GRIK4: variants seen among roughly 807,000 people sequenced by gnomAD.
The protein encoded by GRIK4 is glutamate ionotropic receptor kainate type subunit 4, also known as glutamate receptor ionotropic, kainate 4.
Under a neutral mutation model 104.9 loss-of-function variants are expected in GRIK4, and 40 were observed. That is an observed-to-expected ratio of 0.38 (90% CI 0.30 to 0.50). The LOEUF (loss-of-function observed/expected upper bound fraction) is 0.50, where lower values mean the gene tolerates loss of function less well. Ranked by LOEUF, GRIK4 falls within the 20% of genes least tolerant of loss-of-function variation. The pLI, the probability that GRIK4 is intolerant of heterozygous loss-of-function variation, is 0.93. For synonymous variants in GRIK4, 485 were observed against 524.9 expected (o/e 0.92, Z 1.04); for missense variants, 1,047 against 1,308.1 (o/e 0.80, Z 3.08).
intron 13 of GRIK4, among the ~76,000 whole-genome samples, chr11:120,916,505 A>C (rs1388894696): frequency 6.6e-6 from 1 of 152,212 alleles, no homozygotes; most frequent in Non-Finnish European, 1.5e-5. Flanking sequence ...TATGCACCTA[A>C]CACAGTGCCT....
chr11:120,888,791 TGATCTATTCTA>T (rs968717581), intron 11 of GRIK4, among the ~76,000 whole-genome samples: 2 of 152,226 alleles, frequency 1.3e-5, no homozygotes, highest in African/African-American at 4.8e-5. Context: ...CATTACACCC[TGATCTATTCTA>T]GGTATAGATT....
chr11:120,606,960 G>T (rs1948970846), intron 1 of GRIK4, among the ~76,000 whole-genome samples: 1 of 152,204 alleles, frequency 6.6e-6, no homozygotes, highest in Admixed American at 6.5e-5. Flanking sequence ...TAGGAGTTTA[G>T]GGTGGCCAGG....
chr11:120,563,073 G>A (rs771250033), intron 1 of GRIK4, among the ~76,000 whole-genome samples: 4 of 152,222 alleles, frequency 2.6e-5, no homozygotes, highest in Non-Finnish European at 4.4e-5. Flanking sequence ...ATGGTGAAGT[G>A]TGTCTTTCCA....
intron 12 of GRIK4, among the ~76,000 whole-genome samples, chr11:120,904,748 C>T (rs1466149795): frequency 2.0e-5 from 3 of 152,158 alleles, no homozygotes; most frequent in African/African-American, 4.8e-5. Context: ...GCCTTTCATT[C>T]ACAGCCCTTC....
rs995817234 is a variant in GRIK4 at position 120,555,462 on chromosome 11, T to C, written c.-159+43575T>C. ...AAAGCTTTCTACCGGGCTGCTTATG[T>C]ACTCGCCGAGCCAGCATTCACACAC... On this transcript the variant is annotated intron_variant, in intron 1 of 20. Coordinates refer to ENST00000527524, the MANE Select transcript of GRIK4 (RefSeq NM_014619.5). The surrounding 1 kb of genome is among the most constrained non-coding windows in gnomAD (Gnocchi z 5.3). Among the ~76,000 whole-genome samples, 2 of 152,212 alleles carry C rather than the reference T, an allele frequency of 1.3e-5. No individual in the cohort carries two copies. The highest frequency in any genetic ancestry group is 2.9e-5 in the Non-Finnish European group (2 of 68,026).
intron 8 of GRIK4, among the ~76,000 whole-genome samples, chr11:120,847,128 G>C (rs990402589): frequency 6.6e-6 from 1 of 152,214 alleles, no homozygotes. Flanking sequence ...GGATTGTTGA[G>C]AGCATCTAAC....
chr11:120,691,299 G>A (rs1285545880), intron 3 of GRIK4, among the ~76,000 whole-genome samples: 2 of 152,210 alleles, frequency 1.3e-5, no homozygotes, highest in Non-Finnish European at 2.9e-5. Flanking sequence ...AAGCTCAGAA[G>A]TTAAGGTTGG....
At position 120,653,781 on chromosome 11, in the gene GRIK4, A is replaced by G. The variant is rs1220853249; in HGVS notation, c.-62A>G. On this transcript the variant is annotated 5_prime_UTR_variant, in exon 2 of 21. Coordinates refer to ENST00000527524, the MANE Select transcript of GRIK4 (RefSeq NM_014619.5). ...ATTGCTCCCTGCTCTCCTGGCGCTC[A>G]TCACCCCGGAGGTAGGCACTGCCAT... 3 of 152,284 alleles carry G rather than the reference A, an allele frequency of 2.0e-5. No homozygotes were observed. Among genetic ancestry groups the G allele is most frequent in the Non-Finnish European group, 4.4e-5 (3 of 68,110 alleles). The allele number at this position is 152,284 out of a possible 1,614,324, so 9.4% of individuals were successfully genotyped here.
At chr11:120,583,290 TG>T (rs1296245339) in intron 1 of GRIK4, among the ~76,000 whole-genome samples, 2 of 152,246 alleles carry the variant, frequency 1.3e-5, no homozygotes, top group Admixed American at 1.3e-4. Flanking sequence ...TTTCTTCCAT[TG>T]TATAGGTTGT....
At chr11:120,804,439 C>T (rs993819747) in intron 4 of GRIK4, among the ~76,000 whole-genome samples, 4 of 152,138 alleles carry the variant, frequency 2.6e-5, no homozygotes, top group Non-Finnish European at 5.9e-5. Flanking sequence ...TCTGGAGACT[C>T]CCCAGCCTTT....
At chr11:120,973,824 C>T (rs1441680337) in intron 19 of GRIK4, among the ~76,000 whole-genome samples, 1 of 152,226 alleles carries the variant, frequency 6.6e-6, no homozygotes, top group Non-Finnish European at 1.5e-5. Context: ...GATAAATTAG[C>T]TGTCAAACTT....
intron 1 of GRIK4, among the ~76,000 whole-genome samples, chr11:120,606,028 A>G (rs1948956380): frequency 1.3e-5 from 2 of 152,192 alleles, no homozygotes; most frequent in South Asian, 2.1e-4. Flanking sequence ...TTCCTGAGAA[A>G]TGATACCCTT....
intron 12 of GRIK4, among the ~76,000 whole-genome samples, chr11:120,901,591 G>A (rs1363864672): frequency 6.6e-6 from 1 of 152,160 alleles, no homozygotes; most frequent in African/African-American, 2.4e-5. Context: ...GCTCCTCGAA[G>A]GTAGAGGGGC....
At chr11:120,923,252 T>G (rs1943261559) in intron 13 of GRIK4, among the ~76,000 whole-genome samples, 1 of 151,988 alleles carries the variant, frequency 6.6e-6, no homozygotes, top group Non-Finnish European at 1.5e-5. Context: ...ACTTACCAGG[T>G]GGGATGTTGC....
chr11:120,897,023 A>C (rs548195468), intron 11 of GRIK4, among the ~76,000 whole-genome samples: 1 of 152,312 alleles, frequency 6.6e-6, no homozygotes, highest in African/African-American at 2.4e-5. Context: ...GTATGTATAA[A>C]AAGAGTTCTG....
At chr11:120,611,272 G>A (rs1027359344) in intron 1 of GRIK4, among the ~76,000 whole-genome samples, 1 of 152,152 alleles carries the variant, frequency 6.6e-6, no homozygotes, top group Non-Finnish European at 1.5e-5. Flanking sequence ...GCTGATTACT[G>A]GATGTGTGGC....
intron 1 of GRIK4, among the ~76,000 whole-genome samples, chr11:120,545,737 C>A (rs1185960043): frequency 6.6e-6 from 1 of 152,132 alleles, no homozygotes; most frequent in Non-Finnish European, 1.5e-5. Context: ...TTTCACCTGC[C>A]CTGGAATCCA....
chr11:120,573,964 C>T (rs542040677), intron 1 of GRIK4, among the ~76,000 whole-genome samples: 5 of 152,284 alleles, frequency 3.3e-5, no homozygotes, highest in Admixed American at 6.5e-5. Context: ...ACTCCAGGCT[C>T]GGGGCTGCTA....
chr11:120,911,617 G>A (rs1249223716), intron 13 of GRIK4, among the ~76,000 whole-genome samples: 18 of 149,074 alleles, frequency 1.2e-4, no homozygotes, highest in African/African-American at 4.4e-4. Flanking sequence ...CGAGGCGGGT[G>A]GATCACCTGA....
Sources: allele counts gnomAD v4.1 joint callset (sites outside exome capture counted in the v4.1 genomes callset), GRCh38; gene constraint gnomAD v4.1.1; non-coding constraint Gnocchi (gnomAD v3.1); transcripts MANE v1.5; gene names NCBI Gene and HGNC (gene_info 2026-07-23, HGNC 2026-07-21).